SNAP29: variants seen among roughly 807,000 people sequenced by gnomAD.
SNAP29 encodes the protein synaptosomal-associated protein 29.
Under a neutral mutation model 27.9 loss-of-function variants are expected in SNAP29, and 13 were observed. The ratio of observed to expected loss-of-function variants is 0.47; its 90% CI spans 0.30 to 0.74. The LOEUF is 0.74. SNAP29 is among the 30% of genes least tolerant of loss of function. The pLI is 0.06. For synonymous variants in SNAP29, 119 were observed against 127.1 expected, an observed-to-expected ratio of 0.94 and a Z score of 0.43; for missense variants, 368 against 336.5, an observed-to-expected ratio of 1.09 and a Z score of -0.73.
intron 2 of SNAP29, among the ~76,000 whole-genome samples, chr22:20,871,825 T>G (rs1220857914): frequency 6.6e-6 from 1 of 151,676 alleles, no homozygotes; most frequent in Non-Finnish European, 1.5e-5. Flanking sequence ...GAGCTTGCAG[T>G]GAGCTGAGAT....
intron 1 of SNAP29, among the ~76,000 whole-genome samples, chr22:20,869,899 T>C (rs1437270131): frequency 1.3e-5 from 2 of 151,734 alleles, no homozygotes; most frequent in African/African-American, 4.8e-5. Context: ...GCCCCCCGAG[T>C]AGCTGGGATT....
intron 2 of SNAP29, chr22:20,871,125 G>GA (rs362232): frequency 2.8e-3 from 308 of 108,106 alleles, no homozygotes; most frequent in Admixed American, 4.5e-3. Flanking sequence ...CCTGTCTCAA[G>GA]AAAAAAAAAA....
chr22:20,871,987 A>G (rs911031303), intron 2 of SNAP29, among the ~76,000 whole-genome samples: 10 of 152,174 alleles, frequency 6.6e-5, no homozygotes, highest in Non-Finnish European at 1.0e-4. Context: ...TGTATTTCAG[A>G]TCACTGTGTC....
intron 2 of SNAP29, among the ~76,000 whole-genome samples, chr22:20,876,649 G>A (rs165922): frequency 0.38 from 55,713 of 147,888 alleles, 10,879 homozygotes; most frequent in African/African-American, 0.46. Flanking sequence ...CTCACTGCAA[G>A]CTCCGTCTCC....
chr22:20,879,060 C>G (rs935945658), intron 2 of SNAP29, among the ~76,000 whole-genome samples: 2 of 152,160 alleles, frequency 1.3e-5, no homozygotes, highest in African/African-American at 2.4e-5. Context: ...GTAATCCCAG[C>G]ACTTTGGGAG....
Position 20,859,260 on chromosome 22 carries a change from C to T in SNAP29, c.150C>T (p.Leu50=). The part of the protein sequence containing the change: ...DRQQYLRQEV[L]RRAEATAAST... ...AGCAGTACTTGCGGCAGGAGGTCCTCCGCAGGGCTGAGGCCACGGCCGCCA... is the reference window on the plus strand; with the variant it reads ...AGCAGTACTTGCGGCAGGAGGTCCTTCGCAGGGCTGAGGCCACGGCCGCCA... Residue 50 remains leucine (L), a synonymous_variant, in exon 1 of 5, where the codon CTC becomes CTT. Coordinates refer to ENST00000215730, the MANE Select transcript of SNAP29 (RefSeq NM_004782.4). The T allele has an allele frequency of 6.2e-7, 1 of 1,606,410 alleles. No homozygotes were observed.
chr22:20,867,380 T>C (rs1377744678), intron 1 of SNAP29, among the ~76,000 whole-genome samples: 2 of 151,992 alleles, frequency 1.3e-5, no homozygotes, highest in Non-Finnish European at 2.9e-5. Context: ...TTGAGGCCTG[T>C]CTTGGTGGTG....
At chr22:20,878,895 C>T (rs1041671311) in intron 2 of SNAP29, among the ~76,000 whole-genome samples, 6 of 152,130 alleles carry the variant, frequency 3.9e-5, no homozygotes, top group African/African-American at 1.4e-4. Context: ...AAGAGCTATC[C>T]CTGTCTACAG....
In SNAP29 at chr22:20,884,766, A is replaced by ATGTTTTGTTTTGTTT. The variant is rs361756; in HGVS notation, c.619+1210_619+1224dup. ...CCCAGCAGGCAAGCACTTAGTGATT[A>ATGTTTTGTTTTGTTT]TGTTTTGTTTTGTTTTGTTTTGTTT... On this transcript the variant is annotated intron_variant, in intron 4 of 4. Transcript: ENST00000215730. 1.7e-3 allele frequency among the ~76,000 whole-genome samples: 250 copies of ATGTTTTGTTTTGTTT among 150,902 alleles called. 1 individual carries two copies. Among genetic ancestry groups the ATGTTTTGTTTTGTTT allele is most frequent in the Middle Eastern group, 3.4e-3 (1 of 292 alleles).
At chr22:20,884,192 G>C (rs1215595305) in intron 4 of SNAP29, among the ~76,000 whole-genome samples, 1 of 152,054 alleles carries the variant, frequency 6.6e-6, no homozygotes, top group African/African-American at 2.4e-5. Context: ...AATTAGCCGG[G>C]CGTGGTGGCA....
At position 20,887,685 on chromosome 22, in the gene SNAP29, T is replaced by C. The variant is rs371912629; in HGVS notation, c.626T>C (p.Leu209Pro). Residue 209 changes from leucine to proline, a missense_variant, in exon 5 of 5, where the codon CTG (leucine) becomes CCG (proline). Leu to Pro is a moderately conservative substitution (Grantham distance 98). Transcript: ENST00000215730. The part of the protein sequence containing the change: ...HQKIDSNLDE[L>P]SMGLGRLKDI... Reference sequence around the variant, plus strand: ...TCATTTCCTCCTCCTGCAGATGAGCTGTCCATGGGACTGGGTCGTCTGAAG... The same window carrying C: ...TCATTTCCTCCTCCTGCAGATGAGCCGTCCATGGGACTGGGTCGTCTGAAG... The C allele has an allele frequency of 1.9e-6, 3 of 1,614,108 alleles. No homozygotes were observed. The African/African-American group carries it at 4.0e-5, about 22-fold the overall frequency.
intron 1 of SNAP29, among the ~76,000 whole-genome samples, chr22:20,866,933 G>A (rs373550782): frequency 6.6e-6 from 1 of 152,160 alleles, no homozygotes; most frequent in South Asian, 2.1e-4. Flanking sequence ...TTGTGTGCAC[G>A]CGTGCAGTAG....
chr22:20,867,653 C>T (rs950162936), intron 1 of SNAP29, among the ~76,000 whole-genome samples: 5 of 152,190 alleles, frequency 3.3e-5, no homozygotes, highest in African/African-American at 1.2e-4. Context: ...AGCACTCAGT[C>T]GCCTGGCCTT....
In SNAP29 at chr22:20,859,228, G is replaced by C. The variant is rs775445020; in HGVS notation, c.118G>C (p.Asp40His). The C allele has an allele frequency of 1.4e-5, 23 of 1,605,976 alleles. No homozygotes were observed. Among genetic ancestry groups the C allele is most frequent in the Non-Finnish European group, 1.9e-5 (22 of 1,177,290 alleles). ...CCCCGACGGGCCCGACGCGCCCGCG[G>C]ACAGGCAGCAGTACTTGCGGCAGGA... The part of the protein sequence containing the change: ...DLPDGPDAPA[D>H]RQQYLRQEVL... The change falls in exon 1 of 5, where the codon GAC (aspartate) becomes CAC (histidine). Residue 40 changes from aspartate (D) to histidine (H), a missense_variant. Physicochemically the swap from Asp to His is moderately conservative, Grantham distance 81. Transcript: ENST00000215730.
chr22:20,859,977 G>T (rs1928215259), intron 1 of SNAP29, among the ~76,000 whole-genome samples: 1 of 152,164 alleles, frequency 6.6e-6, no homozygotes, highest in Non-Finnish European at 1.5e-5. Flanking sequence ...GACAAATAGT[G>T]TGCGGGTTAA....
intron 1 of SNAP29, among the ~76,000 whole-genome samples, chr22:20,868,835 G>A (rs1319043504): frequency 6.6e-6 from 1 of 152,222 alleles, no homozygotes; most frequent in Non-Finnish European, 1.5e-5. Flanking sequence ...GAAAGTGGTA[G>A]TGTTGATGTT....
Position 20,891,009 on chromosome 22 carries a change from A to G in SNAP29, c.*3173A>G, listed in dbSNP as rs1929142045. 6.6e-6 allele frequency: 1 copy of G among 151,928 alleles called. No individual in the cohort carries two copies. The highest frequency in any genetic ancestry group is 2.4e-5 in the African/African-American group (1 of 41,376). The allele number at this position is 151,928 out of a possible 1,614,324, so 9.4% of individuals were successfully genotyped here. The stretch of plus-strand genomic sequence containing the variant: ...AGAATGGCGTGAACTCAGGAGGCGG[A>G]GCTTGCAGTGAGCCAAGGCGACAGA... On this transcript the variant is annotated 3_prime_UTR_variant, in exon 5 of 5. Transcript: ENST00000215730.
chr22:20,886,736 C>T (rs567818373), intron 4 of SNAP29, among the ~76,000 whole-genome samples: 3 of 151,954 alleles, frequency 2.0e-5, no homozygotes, highest in African/African-American at 2.4e-5. Context: ...CTCAGCCTCC[C>T]GAGTAGCAGG....
chr22:20,881,203 C>T, intron 3 of SNAP29, 69 bp downstream of exon 3: 1 of 1,113,834 alleles, frequency 9.0e-7, no homozygotes, highest in Non-Finnish European at 1.4e-6. Context: ...TGGCGTTGGT[C>T]CTTGGGGGGC....
Sources: allele counts gnomAD v4.1 joint callset (sites outside exome capture counted in the v4.1 genomes callset), GRCh38; gene constraint gnomAD v4.1.1; transcripts MANE v1.5; gene names NCBI Gene and HGNC (gene_info 2026-07-23, HGNC 2026-07-21).